TANC2: variants seen among roughly 807,000 people sequenced by gnomAD.
TANC2 encodes the protein protein TANC2.
A neutral mutation model predicts 210.5 loss-of-function variants in TANC2; 26 were observed. The observed-to-expected ratio is 0.12, with a 90% CI of 0.09 to 0.17. TANC2 has a LOEUF of 0.17. TANC2 is among the 10% of genes least tolerant of loss of function. The pLI is 1.00. For synonymous variants in TANC2, 931 were observed against 967.1 expected (o/e 0.96, Z 0.69); for missense variants, 2,129 against 2,608.9 (o/e 0.82, Z 4.01).
intron 14 of TANC2, among the ~76,000 whole-genome samples, chr17:63,375,904 A>G (rs2047408901): frequency 6.6e-6 from 1 of 152,120 alleles, no homozygotes; most frequent in Non-Finnish European, 1.5e-5. Context: ...CCTGGCCAGC[A>G]TGGTGAAACC....
chr17:63,375,180 T>G (rs982578394), intron 14 of TANC2, among the ~76,000 whole-genome samples: 4 of 152,202 alleles, frequency 2.6e-5, no homozygotes, highest in African/African-American at 9.7e-5. Context: ...TCCCCTTATG[T>G]CCTACATACC....
At chr17:63,150,177 A>G (rs964475632) in intron 4 of TANC2, 6 of 152,144 alleles carry the variant, frequency 3.9e-5, no homozygotes, top group African/African-American at 7.2e-5. Context: ...ACATGCAGAA[A>G]CTTTTGAGAA....
intron 4 of TANC2, chr17:63,149,379 CCATCCTT>C (rs926927119): frequency 6.6e-6 from 1 of 152,058 alleles, no homozygotes; most frequent in Non-Finnish European, 1.5e-5. Context: ...AGTTCTCCTG[CCATCCTT>C]CACTTTTTTT....
At chr17:63,200,104 C>G (rs774719135) in intron 6 of TANC2, among the ~76,000 whole-genome samples, 83 of 151,918 alleles carry the variant, frequency 5.5e-4, no homozygotes, top group Middle Eastern at 3.4e-3. Flanking sequence ...GCCTGTAATC[C>G]CAGCACTTTG....
intron 2 of TANC2, among the ~76,000 whole-genome samples, chr17:63,010,729 G>C (rs554703441): frequency 1.3e-5 from 2 of 152,030 alleles, no homozygotes; most frequent in African/African-American, 4.8e-5. Flanking sequence ...TTGTTAGAAT[G>C]GTGCACACAA....
chr17:63,102,771 G>C (rs1567724346), intron 4 of TANC2, among the ~76,000 whole-genome samples: 1 of 152,012 alleles, frequency 6.6e-6, no homozygotes, highest in Non-Finnish European at 1.5e-5. Context: ...TGAAGTATGA[G>C]GGACTAGAGT....
intron 4 of TANC2, among the ~76,000 whole-genome samples, chr17:63,121,181 T>C (rs1021575490): frequency 6.6e-6 from 1 of 152,106 alleles, no homozygotes; most frequent in African/African-American, 2.4e-5. Flanking sequence ...CTCATGGGAA[T>C]TAATCATAAT....
chr17:62,995,749 C>T (rs1452830917), intron 1 of TANC2, among the ~76,000 whole-genome samples: 1 of 152,146 alleles, frequency 6.6e-6, no homozygotes, highest in Non-Finnish European at 1.5e-5. Flanking sequence ...AAAGAGATTG[C>T]ATAATTTGAA....
At chr17:63,099,209 G>T in exon 4 of TANC2, 1 of 1,605,166 alleles carries the variant, frequency 6.2e-7, no homozygotes, top group South Asian at 1.1e-5. Flanking sequence ...GTGCTTTTGA[G>T]CCAGACTACG....
chr17:63,369,158 C>G (rs1297456274), intron 14 of TANC2, among the ~76,000 whole-genome samples: 1 of 152,128 alleles, frequency 6.6e-6, no homozygotes, highest in Admixed American at 6.5e-5. Context: ...ATGGTATCAT[C>G]TGAATTTCTC....
At chr17:63,257,751 T>C (rs2043238722) in intron 8 of TANC2, among the ~76,000 whole-genome samples, 1 of 152,210 alleles carries the variant, frequency 6.6e-6, no homozygotes. Flanking sequence ...AAGAGAAAAC[T>C]AATAAAAACT....
chr17:63,312,490 C>T (rs1199366812), intron 9 of TANC2, among the ~76,000 whole-genome samples: 1 of 152,150 alleles, frequency 6.6e-6, no homozygotes, highest in Non-Finnish European at 1.5e-5. Flanking sequence ...TTCTACATGT[C>T]CTCACTTATA....
intron 26 of TANC2, among the ~76,000 whole-genome samples, chr17:63,417,694 A>T (rs2048905764): frequency 6.6e-6 from 1 of 152,104 alleles, no homozygotes; most frequent in African/African-American, 2.4e-5. Context: ...ATCACACTTG[A>T]TCCTACCCCC....
At chr17:63,320,295 AC>A (rs1481281766) in intron 11 of TANC2, 1 of 152,160 alleles carries the variant, frequency 6.6e-6, no homozygotes, top group African/African-American at 2.4e-5. Context: ...TTCCACACTT[AC>A]AAGTTACATT....
At chr17:63,360,024 G>A (rs1318812783) in intron 14 of TANC2, among the ~76,000 whole-genome samples, 2 of 152,152 alleles carry the variant, frequency 1.3e-5, no homozygotes, top group South Asian at 2.1e-4. Context: ...CACAAAGCAG[G>A]GTGTCAGAGA....
At chr17:63,373,037 G>A (rs2047318313) in intron 14 of TANC2, among the ~76,000 whole-genome samples, 1 of 151,846 alleles carries the variant, frequency 6.6e-6, no homozygotes, top group Non-Finnish European at 1.5e-5. Context: ...TAGGAGCACA[G>A]GCACATGCCA....
In TANC2 at chr17:63,421,785, T is replaced by A; in HGVS notation, c.6055T>A (p.Leu2019Met). 6 of 1,614,036 alleles carry A rather than the reference T, an allele frequency of 3.7e-6. No individual in the cohort carries two copies. The highest frequency in any genetic ancestry group is 5.1e-6 in the Non-Finnish European group (6 of 1,179,886). ...GGCTAACGGGTCTCGTGGAGACCTC[T>A]TGGAGCGAGTCAGCCAGGCCTCCTC... Residue 2019 changes from leucine to methionine, a missense_variant, in exon 28 of 28, where the codon TTG becomes ATG. This residue lies in a region of TANC2 where 161 missense variants were observed against 178.6 expected (regional missense o/e 0.90). Transcript: ENST00000689528. This position sits in a 1 kb window ranked among gnomAD's most constrained non-coding sequence, Gnocchi z 6.9.
chr17:63,091,147 C>T (rs2037177230), intron 3 of TANC2, among the ~76,000 whole-genome samples: 1 of 129,206 alleles, frequency 7.7e-6, no homozygotes, highest in Admixed American at 7.6e-5. Context: ...AAATTTTCTC[C>T]CATTCTGTAG....
At chr17:63,042,485 T>C (rs1057159039) in intron 2 of TANC2, among the ~76,000 whole-genome samples, 1 of 152,136 alleles carries the variant, frequency 6.6e-6, no homozygotes, top group African/African-American at 2.4e-5. Context: ...ATTACTACTG[T>C]AAATTTGCAA....
Sources: allele counts gnomAD v4.1 joint callset (sites outside exome capture counted in the v4.1 genomes callset), GRCh38; gene constraint gnomAD v4.1.1; regional missense constraint gnomAD v4.1.1; non-coding constraint Gnocchi (gnomAD v3.1); transcripts MANE v1.5; gene names NCBI Gene and HGNC (gene_info 2026-07-23, HGNC 2026-07-21).